Variants in NOL4L observed in about 807,000 individuals in gnomAD.
NOL4L encodes the protein nucleolar protein 4-like.
In NOL4L, 7 loss-of-function variants were observed where a neutral mutation model predicts 64.5. The observed-to-expected ratio is 0.11, with a 90% CI of 0.06 to 0.20. The LOEUF (loss-of-function observed/expected upper bound fraction) is 0.20. Among genes scored for constraint, NOL4L ranks in the 10% least tolerant of loss-of-function variants. The pLI, the probability that NOL4L is intolerant of heterozygous loss-of-function variation, is 1.00. For missense variants in NOL4L, 680 were observed against 967.1 expected, an observed-to-expected ratio of 0.70 and a Z score of 3.94; for synonymous variants, 413 against 401.0, an observed-to-expected ratio of 1.03 and a Z score of -0.36.
At chr20:32,479,213 T>G (rs1331961524) in intron 4 of NOL4L, among the ~76,000 whole-genome samples, 1 of 152,138 alleles carries the variant, frequency 6.6e-6, no homozygotes, top group African/African-American at 2.4e-5. Flanking sequence ...CAACGACAAC[T>G]GTGCAGAGGG....
intron 1 of NOL4L, among the ~76,000 whole-genome samples, chr20:32,575,405 C>T (rs909402113): frequency 4.6e-5 from 7 of 152,224 alleles, no homozygotes; most frequent in East Asian, 1.9e-4. Flanking sequence ...TCCCACCCCC[C>T]GGAATGAGCT....
chr20:32,569,532 C>G (rs1236566128), intron 1 of NOL4L, among the ~76,000 whole-genome samples: 1 of 152,170 alleles, frequency 6.6e-6, no homozygotes, highest in Non-Finnish European at 1.5e-5. Context: ...CACTCCCGCA[C>G]TCCCTAGAGC....
chr20:32,532,348 C>T (rs2018375496), intron 1 of NOL4L: 1 of 985,318 alleles, frequency 1.0e-6, no homozygotes, highest in African/African-American at 1.7e-5. Context: ...CTAGGGCCAC[C>T]TGGATTCCAT....
intron 2 of NOL4L, among the ~76,000 whole-genome samples, chr20:32,523,931 T>C (rs373317915): frequency 9.2e-5 from 14 of 152,178 alleles, no homozygotes; most frequent in Middle Eastern, 3.4e-3. Context: ...ATGAGGCCAA[T>C]TGGGGGGATT....
chr20:32,527,489 G>A (rs1358352204), intron 2 of NOL4L, among the ~76,000 whole-genome samples: 1 of 152,124 alleles, frequency 6.6e-6, no homozygotes, highest in African/African-American at 2.4e-5. Flanking sequence ...GGAAGAGGAG[G>A]GCGCCTCCTG....
chr20:32,527,418 CCAGAA>C (rs2018171283), intron 2 of NOL4L, among the ~76,000 whole-genome samples: 1 of 152,132 alleles, frequency 6.6e-6, no homozygotes, highest in Non-Finnish European at 1.5e-5. Flanking sequence ...CACCCCAGCC[CCAGAA>C]CAGGCTGCAA....
At chr20:32,500,551 T>G (rs2016883369) in intron 4 of NOL4L, among the ~76,000 whole-genome samples, 1 of 150,720 alleles carries the variant, frequency 6.6e-6, no homozygotes, top group East Asian at 1.9e-4. Flanking sequence ...TTTTTTTTTT[T>G]TTTTTACTAG....
chr20:32,488,806 T>TCTTTCC, intron 4 of NOL4L, among the ~76,000 whole-genome samples: 1 of 18,796 alleles, frequency 5.3e-5, no homozygotes, highest in South Asian at 1.7e-3. Context: ...TTTCTTTCTT[T>TCTTTCC]TTCTTTCTTT....
intron 1 of NOL4L, among the ~76,000 whole-genome samples, chr20:32,550,966 G>A (rs528450007): frequency 7.9e-5 from 12 of 152,040 alleles, no homozygotes; most frequent in Non-Finnish European, 1.6e-4. Context: ...TGAGACAGAA[G>A]AATTACTTGA....
At chr20:32,484,955 C>T (rs1015049666) in intron 4 of NOL4L, among the ~76,000 whole-genome samples, 1 of 150,914 alleles carries the variant, frequency 6.6e-6, no homozygotes, top group Non-Finnish European at 1.5e-5. Flanking sequence ...CCACCCCACC[C>T]CTCCAAATCC....
At chr20:32,513,471 G>A (rs140199202) in intron 3 of NOL4L, among the ~76,000 whole-genome samples, 188 of 152,318 alleles carry the variant, frequency 1.2e-3, no homozygotes, top group Non-Finnish European at 1.8e-3. Flanking sequence ...GGACGTTATT[G>A]CTTAATGGGT....
At chr20:32,481,266 C>A (rs995708763) in intron 4 of NOL4L, among the ~76,000 whole-genome samples, 2 of 152,174 alleles carry the variant, frequency 1.3e-5, no homozygotes, top group Non-Finnish European at 2.9e-5. Flanking sequence ...ACCACGAGGG[C>A]CTCGCTGGTA....
intron 3 of NOL4L, among the ~76,000 whole-genome samples, chr20:32,516,493 G>GGAGTCGCTCAAGGAAGCTTC (rs2017668717): frequency 6.6e-6 from 1 of 152,090 alleles, no homozygotes; most frequent in Non-Finnish European, 1.5e-5. Context: ...AGAGGGCCCC[G>GGAGTCGCTCAAGGAAGCTTC]GAGTCGCTCA....
intron 1 of NOL4L, chr20:32,532,371 C>T: frequency 1.0e-6 from 1 of 985,406 alleles, no homozygotes; most frequent in Non-Finnish European, 1.2e-6. Flanking sequence ...GTGCTACACC[C>T]TAGGGGAAGA....
intron 1 of NOL4L, among the ~76,000 whole-genome samples, chr20:32,531,680 T>C (rs2018352431): frequency 6.6e-6 from 1 of 152,090 alleles, no homozygotes; most frequent in Non-Finnish European, 1.5e-5. Flanking sequence ...AAAGTCAGTT[T>C]CCGCACCTAT....
chr20:32,453,684 G>T lies in NOL4L; in HGVS notation c.1197C>A (p.Gly399=). The T allele has an allele frequency of 6.4e-7, 1 of 1,569,594 alleles. No homozygotes were observed. The highest frequency in any genetic ancestry group is 8.6e-7 in the Non-Finnish European group (1 of 1,157,226). Residue 399 remains glycine, a synonymous_variant, in exon 7 of 11, where the codon GGC becomes GGA. Coordinates refer to ENST00000621426, the MANE Select transcript of NOL4L (RefSeq NM_001256798.2). This position sits in a 1 kb window ranked among gnomAD's most constrained non-coding sequence, Gnocchi z 5.6. ...VSGCPEDLTV[G]RAPTADDDDD... ...CGTCATCATCTGCCGTCGGGGCCCG[G>T]CCCACTGTCAGGTCCTCAGGGCAGC...
intron 4 of NOL4L, among the ~76,000 whole-genome samples, chr20:32,476,298 G>C (rs2015394103): frequency 6.6e-6 from 1 of 152,016 alleles, no homozygotes; most frequent in African/African-American, 2.4e-5. Flanking sequence ...GTGCTAACTG[G>C]ATGGAGGGAG....
chr20:32,528,847 G>A (rs766120195), intron 1 of NOL4L, among the ~76,000 whole-genome samples: 2 of 152,228 alleles, frequency 1.3e-5, no homozygotes, highest in South Asian at 2.1e-4. Flanking sequence ...CTGTGGGGAC[G>A]TTAGGGGGCT....
At chr20:32,583,531 G>T (rs2145630236) in intron 1 of NOL4L, among the ~76,000 whole-genome samples, 1 of 149,242 alleles carries the variant, frequency 6.7e-6, no homozygotes, top group African/African-American at 2.4e-5. Flanking sequence ...GCCGGGGAGG[G>T]AGCAAGGAGG....
Sources: allele counts gnomAD v4.1 joint callset (sites outside exome capture counted in the v4.1 genomes callset), GRCh38; gene constraint gnomAD v4.1.1; non-coding constraint Gnocchi (gnomAD v3.1); transcripts MANE v1.5; gene names NCBI Gene and HGNC (gene_info 2026-07-23, HGNC 2026-07-21).